The following WWOX variants were observed in gnomAD, a reference collection of about 807,000 sequenced individuals.
WWOX encodes WW domain containing oxidoreductase, also known as WW domain-containing oxidoreductase.
WWOX carries 69 observed loss-of-function variants against 46.2 expected under a neutral mutation model. The ratio of observed to expected loss-of-function variants is 1.49; its 90% confidence interval spans 1.23 to 1.82. The LOEUF is 1.82. WWOX is among the 40% of genes most tolerant of loss of function. WWOX has a pLI of 0.00. For missense variants in WWOX, 919 were observed against 542.6 expected, an observed-to-expected ratio of 1.69 and a Z score of -6.89; for synonymous variants, 359 against 202.6, an observed-to-expected ratio of 1.77 and a Z score of -6.56.
At chr16:79,137,607 G>T (rs987581316) in intron 8 of WWOX, among the ~76,000 whole-genome samples, 1 of 152,116 alleles carries the variant, frequency 6.6e-6, no homozygotes, top group African/African-American at 2.4e-5. Flanking sequence ...GTTCACCTTT[G>T]GCTCTGACCT....
At chr16:78,153,102 G>T (rs556121946) in intron 4 of WWOX, among the ~76,000 whole-genome samples, 1 of 152,108 alleles carries the variant, frequency 6.6e-6, no homozygotes, top group African/African-American at 2.4e-5. Flanking sequence ...TAGTAAGCAC[G>T]ATCTCTAACT....
chr16:79,032,935 G>A (rs1450759882), intron 8 of WWOX, among the ~76,000 whole-genome samples: 3 of 151,046 alleles, frequency 2.0e-5, no homozygotes, highest in East Asian at 1.9e-4. Flanking sequence ...CCACCCTTTG[G>A]TAGGCCCCAG....
chr16:79,073,834 A>G (rs980148145), intron 8 of WWOX, among the ~76,000 whole-genome samples: 14 of 152,200 alleles, frequency 9.2e-5, no homozygotes, highest in Non-Finnish European at 2.1e-4. Context: ...AAAGTTCGTA[A>G]CTATTTGTCA....
chr16:78,326,847 C>G (rs1467674869), intron 5 of WWOX, among the ~76,000 whole-genome samples: 2 of 152,068 alleles, frequency 1.3e-5, no homozygotes, highest in Admixed American at 6.6e-5. Context: ...TCCAGTAAAG[C>G]TCAGTATCTG....
chr16:78,734,889 A>G (rs1248791623), intron 8 of WWOX, among the ~76,000 whole-genome samples: 5 of 67,064 alleles, frequency 7.5e-5, no homozygotes, highest in Admixed American at 5.4e-4. Flanking sequence ...TTTTTGAGAT[A>G]GGGTCTGGCT....
chr16:78,951,502 G>A (rs540564108), intron 8 of WWOX, among the ~76,000 whole-genome samples: 1 of 144,802 alleles, frequency 6.9e-6, no homozygotes, highest in South Asian at 2.3e-4. Flanking sequence ...TGTGAGGTAT[G>A]AAGTACCTCA....
chr16:78,348,401 G>A lies in WWOX; in HGVS notation c.517-38459G>A, dbSNP rs781297097. 4.1e-5 allele frequency among the ~76,000 whole-genome samples: 5 copies of A among 121,102 alleles called. 2 individuals carry two copies. Among genetic ancestry groups the A allele is most frequent in the Non-Finnish European group, 9.9e-5 (5 of 50,566 alleles). 79.4% of individuals were successfully genotyped at this position (121,102 alleles called of 152,430 possible). On this transcript the variant is annotated intron_variant, in intron 5 of 8. Transcript: ENST00000566780. ...AAGGGGGATAGGTTGTTGATAATAT[G>A]GAATAGGAGAAAAAAGATCATAGAG...
intron 8 of WWOX, among the ~76,000 whole-genome samples, chr16:78,746,043 G>T (rs901818614): frequency 6.6e-6 from 1 of 152,140 alleles, no homozygotes; most frequent in African/African-American, 2.4e-5. Context: ...AGAGGTGGAG[G>T]GGGGCTACTC....
intron 4 of WWOX, among the ~76,000 whole-genome samples, chr16:78,161,214 T>A (rs1434595413): frequency 1.3e-5 from 2 of 152,178 alleles, no homozygotes; most frequent in African/African-American, 2.4e-5. Flanking sequence ...AGTATATGTA[T>A]ATTTATGTTT....
chr16:79,136,615 A>C (rs916673212), intron 8 of WWOX, among the ~76,000 whole-genome samples: 4 of 152,168 alleles, frequency 2.6e-5, no homozygotes, highest in Admixed American at 2.0e-4. Flanking sequence ...GAGGAAAGCT[A>C]CCTGCCCTTC....
intron 8 of WWOX, among the ~76,000 whole-genome samples, chr16:78,501,193 C>CTCTTTTTTTTTTTTTTTTTTTTTTTT (rs1567609023): frequency 1.8e-4 from 16 of 90,928 alleles, no homozygotes; most frequent in Non-Finnish European, 3.0e-4. Context: ...CTTTCTTTCT[C>CTCTTTTTTTTTTTTTTTTTTTTTTTT]TTTTTTTTTT....
intron 5 of WWOX, among the ~76,000 whole-genome samples, chr16:78,199,183 C>T (rs1181337425): frequency 2.6e-5 from 4 of 151,968 alleles, no homozygotes; most frequent in Admixed American, 2.0e-4. Context: ...CATGGTGGCA[C>T]GTGCCTGTAA....
chr16:78,692,246 T>C (rs570307987), intron 8 of WWOX, among the ~76,000 whole-genome samples: 47 of 152,306 alleles, frequency 3.1e-4, no homozygotes, highest in African/African-American at 1.1e-3. Context: ...CTAGTCCATT[T>C]CTCTCAATCT....
intron 8 of WWOX, among the ~76,000 whole-genome samples, chr16:78,567,156 C>T (rs771789396): frequency 6.6e-5 from 10 of 152,296 alleles, no homozygotes; most frequent in Middle Eastern, 6.8e-3. Context: ...TGGTGAAGGG[C>T]GTGATTGGCA....
intron 8 of WWOX, among the ~76,000 whole-genome samples, chr16:78,742,624 C>T (rs552448391): frequency 1.3e-5 from 2 of 152,188 alleles, no homozygotes; most frequent in Non-Finnish European, 2.9e-5. Context: ...TCCAGCTTTG[C>T]CCTGGCTGCG....
At chr16:78,591,624 A>T (rs2045354397) in intron 8 of WWOX, among the ~76,000 whole-genome samples, 1 of 152,202 alleles carries the variant, frequency 6.6e-6, no homozygotes, top group South Asian at 2.1e-4. Flanking sequence ...GAGTTGCTTG[A>T]GTTCTCTGAG....
At chr16:78,320,784 G>C (rs534411438) in intron 5 of WWOX, among the ~76,000 whole-genome samples, 1 of 152,270 alleles carries the variant, frequency 6.6e-6, no homozygotes, top group African/African-American at 2.4e-5. Flanking sequence ...TAACAGAAGA[G>C]AGAAGTAACA....
At chr16:78,844,996 C>T (rs1408259895) in intron 8 of WWOX, among the ~76,000 whole-genome samples, 2 of 152,220 alleles carry the variant, frequency 1.3e-5, no homozygotes, top group Non-Finnish European at 2.9e-5. Context: ...GCCTGAAAGG[C>T]TGTCTCCAAC....
At chr16:78,485,743 C>T (rs1460913189) in intron 8 of WWOX, among the ~76,000 whole-genome samples, 1 of 152,166 alleles carries the variant, frequency 6.6e-6, no homozygotes, top group Non-Finnish European at 1.5e-5. Flanking sequence ...AACAGATTGC[C>T]GCGGAGCCGC....
Sources: allele counts gnomAD v4.1 joint callset (sites outside exome capture counted in the v4.1 genomes callset), GRCh38; gene constraint gnomAD v4.1.1; transcripts MANE v1.5; gene names NCBI Gene and HGNC (gene_info 2026-07-23, HGNC 2026-07-21).